The following SCAMP1 variants were observed in gnomAD, a reference collection of about 807,000 sequenced individuals.
The protein encoded by SCAMP1 is secretory carrier-associated membrane protein 1.
In SCAMP1, 15 loss-of-function variants were observed where a neutral mutation model predicts 41.8. That is an observed-to-expected ratio of 0.36 (90% CI 0.24 to 0.55). SCAMP1 has a LOEUF of 0.55. Ranked by LOEUF, SCAMP1 falls within the 20% of genes least tolerant of loss-of-function variation. The pLI is 0.86. For missense variants in SCAMP1, 341 were observed against 412.6 expected, an observed-to-expected ratio of 0.83 and a Z score of 1.50; for synonymous variants, 135 against 136.8, an observed-to-expected ratio of 0.99 and a Z score of 0.09.
chr5:78,443,253 A>G (rs1184557506), intron 6 of SCAMP1, among the ~76,000 whole-genome samples: 1 of 150,654 alleles, frequency 6.6e-6, no homozygotes, highest in Non-Finnish European at 1.5e-5. Flanking sequence ...TTACCTTAAT[A>G]GATGCACAGA....
intron 8 of SCAMP1, among the ~76,000 whole-genome samples, chr5:78,473,867 A>G (rs1374754593): frequency 2.6e-5 from 4 of 152,170 alleles, no homozygotes; most frequent in Admixed American, 1.3e-4. Flanking sequence ...TTGGGCTGCT[A>G]TAACAAAAAT....
chr5:78,391,836 C>T (rs1342251986), intron 2 of SCAMP1, among the ~76,000 whole-genome samples: 6 of 152,192 alleles, frequency 3.9e-5, no homozygotes, highest in Non-Finnish European at 7.4e-5. Flanking sequence ...AAAACCCCGT[C>T]TCCACCAAAA....
chr5:78,424,735 A>G (rs1184418872), intron 6 of SCAMP1, among the ~76,000 whole-genome samples: 1 of 152,188 alleles, frequency 6.6e-6, no homozygotes, highest in Non-Finnish European at 1.5e-5. Flanking sequence ...AAAAGAAGAA[A>G]AACAACAAAA....
intron 6 of SCAMP1, among the ~76,000 whole-genome samples, chr5:78,444,317 TGG>T (rs1753001836): frequency 6.6e-6 from 1 of 152,180 alleles, no homozygotes; most frequent in South Asian, 2.1e-4. Flanking sequence ...TCCACATGGC[TGG>T]GGAGGCCTCA....
At chr5:78,454,243 G>T (rs1243977798) in intron 7 of SCAMP1, among the ~76,000 whole-genome samples, 1 of 152,158 alleles carries the variant, frequency 6.6e-6, no homozygotes. Flanking sequence ...GTGAGAGAGG[G>T]CATCCCTGTC....
At chr5:78,437,994 A>G (rs539884301) in intron 6 of SCAMP1, among the ~76,000 whole-genome samples, 219 of 152,202 alleles carry the variant, frequency 1.4e-3, no homozygotes, top group African/African-American at 5.0e-3. Flanking sequence ...TTTCCAGTTT[A>G]TTTGTGTAGA....
intron 8 of SCAMP1, among the ~76,000 whole-genome samples, chr5:78,469,505 A>G (rs1235804272): frequency 1.3e-5 from 2 of 151,836 alleles, no homozygotes; most frequent in Non-Finnish European, 2.9e-5. Flanking sequence ...CCCAATTTTA[A>G]TTTTGTTACC....
At chr5:78,394,339 T>C (rs1277440454) in intron 2 of SCAMP1, among the ~76,000 whole-genome samples, 1 of 150,990 alleles carries the variant, frequency 6.6e-6, no homozygotes. Context: ...ATCTTTTTTT[T>C]ATATATATAT....
In SCAMP1 at chr5:78,441,726, G is replaced by A. The variant is rs1030124937; in HGVS notation, c.633-8207G>A. ...GCCTGTAATGCCAGCTGTTTGGGAG[G>A]CTGAGGCAAGAGAATTGCCTGAACC... On this transcript the variant is annotated intron_variant, in intron 6 of 8. Coordinates refer to ENST00000621999, the MANE Select transcript of SCAMP1 (RefSeq NM_004866.6). Among the ~76,000 whole-genome samples the A allele has an allele frequency of 5.9e-5, 9 of 152,344 alleles. No homozygotes were observed. In the South Asian group the frequency reaches 1.0e-3, roughly 18 times the overall value.
rs1001107642 is a variant in SCAMP1, at chr5:78,422,039, T to C, written c.632+79T>C. The C allele has an allele frequency of 1.3e-5, 16 of 1,229,586 alleles. No individual in the cohort carries two copies. The South Asian group carries it at 2.2e-4, about 17-fold the overall frequency. The allele number at this position is 1,229,586 out of a possible 1,614,324, so 76.2% of individuals were successfully genotyped here. ...TCGTAGTATACATTAAAGGGAAAAT[T>C]GATGCATTTTCATTAAAAAATTCTT... On this transcript the variant is annotated intron_variant, in intron 6 of 8. Transcript: ENST00000621999.
At chr5:78,387,393 G>C (rs1751370589) in intron 1 of SCAMP1, among the ~76,000 whole-genome samples, 1 of 131,200 alleles carries the variant, frequency 7.6e-6, no homozygotes, top group Non-Finnish European at 1.6e-5. Flanking sequence ...TCTTTAAGTT[G>C]GCCTTTACCT....
chr5:78,414,637 C>T (rs1276492989), intron 2 of SCAMP1, among the ~76,000 whole-genome samples: 1 of 152,178 alleles, frequency 6.6e-6, no homozygotes, highest in Non-Finnish European at 1.5e-5. Context: ...CTAATTTATT[C>T]TCATGGCTGC....
At position 78,396,614 on chromosome 5, in the gene SCAMP1, T is replaced by C. The variant is rs139912341; in HGVS notation, c.135+7700T>C. Among the ~76,000 whole-genome samples, 4 of 152,244 alleles carry C rather than the reference T, an allele frequency of 2.6e-5. No individual in the cohort carries two copies. The East Asian group carries it at 7.7e-4, about 29-fold the overall frequency. ...GTGGGAATCATTGGCCCTTAGATGG[T>C]ATTTAAAGGTATAAGACTGGATTTA... On this transcript the variant is annotated intron_variant, in intron 2 of 8. Coordinates refer to ENST00000621999, the MANE Select transcript of SCAMP1 (RefSeq NM_004866.6).
At chr5:78,385,997 T>C (rs1751331302) in intron 1 of SCAMP1, among the ~76,000 whole-genome samples, 1 of 152,132 alleles carries the variant, frequency 6.6e-6, no homozygotes. Flanking sequence ...TTTAAATCCA[T>C]TGTTTCTTTG....
intron 6 of SCAMP1, among the ~76,000 whole-genome samples, chr5:78,422,424 T>C (rs965476648): frequency 1.3e-5 from 2 of 152,184 alleles, no homozygotes; most frequent in Non-Finnish European, 2.9e-5. Flanking sequence ...AAATCCATTT[T>C]AGGTTTTTTC....
At chr5:78,382,475 TAA>T (rs1561253317) in intron 1 of SCAMP1, among the ~76,000 whole-genome samples, 2 of 152,148 alleles carry the variant, frequency 1.3e-5, no homozygotes, top group Non-Finnish European at 2.9e-5. Flanking sequence ...GTTACATGAA[TAA>T]GTTTCTCACT....
Position 78,469,913 on chromosome 5 carries a change from C to CAAAAAAAAAAAAAAAAAAAAAAAAAAAA in SCAMP1, c.853-5572_853-5571insAAAAAAAAAAAAAAAAAAAAAAAAAAAA, listed in dbSNP as rs1561290939. 9.0e-4 allele frequency among the ~76,000 whole-genome samples: 21 copies of CAAAAAAAAAAAAAAAAAAAAAAAAAAAA among 23,208 alleles called. 1 individual carries two copies. Among genetic ancestry groups the CAAAAAAAAAAAAAAAAAAAAAAAAAAAA allele is most frequent in the Admixed American group, 1.3e-3 (3 of 2,364 alleles). The allele number at this position is 23,208 out of a possible 152,430, so 15.2% of individuals were successfully genotyped here. On this transcript the variant is annotated intron_variant, in intron 8 of 8. Transcript: ENST00000621999. ...ATTAAAAAAAAAAAAAAAAAAAAAA[C>CAAAAAAAAAAAAAAAAAAAAAAAAAAAA]AAAAAAAAAAAAAAAAAAACAACAA... is the stretch of plus-strand genomic sequence containing the variant.
intron 1 of SCAMP1, among the ~76,000 whole-genome samples, chr5:78,386,538 T>A (rs1751346171): frequency 6.6e-6 from 1 of 151,970 alleles, no homozygotes; most frequent in Non-Finnish European, 1.5e-5. Flanking sequence ...TTTTTTTCAT[T>A]GTATTGTTTT....
At chr5:78,474,429 T>C (rs1025170113) in intron 8 of SCAMP1, among the ~76,000 whole-genome samples, 2 of 152,316 alleles carry the variant, frequency 1.3e-5, no homozygotes, top group Middle Eastern at 3.4e-3. Context: ...TTGGAATGAA[T>C]GAACAAATGT....
Sources: gnomAD v4.1 joint callset for allele counts (sites outside exome capture counted in the v4.1 genomes callset) on GRCh38, gnomAD v4.1.1 for gene constraint, MANE v1.5 for transcripts, NCBI Gene and HGNC (gene_info 2026-07-23, HGNC 2026-07-21) for gene names.